EIF2AK2: variants seen among roughly 807,000 people sequenced by gnomAD.
The protein encoded by EIF2AK2 is eukaryotic translation initiation factor 2 alpha kinase 2, also known as interferon-induced, double-stranded RNA-activated protein kinase.
A neutral mutation model predicts 70.5 loss-of-function variants in EIF2AK2; 40 were observed. The observed-to-expected ratio is 0.57, with a 90% CI of 0.44 to 0.74. The LOEUF (loss-of-function observed/expected upper bound fraction) is 0.74. EIF2AK2 is among the 30% of genes least tolerant of loss of function. The pLI, the probability that EIF2AK2 is intolerant of heterozygous loss-of-function variation, is 0.00. For missense variants in EIF2AK2, 555 were observed against 644.3 expected (o/e 0.86, Z 1.50); for synonymous variants, 198 against 220.9 (o/e 0.90, Z 0.92).
chr2:37,136,129 T>C (rs1675118994), intron 9 of EIF2AK2, among the ~76,000 whole-genome samples: 1 of 152,218 alleles, frequency 6.6e-6, no homozygotes, highest in South Asian at 2.1e-4. Context: ...TATTCCTTAC[T>C]GATGATAAGC....
intron 4 of EIF2AK2, among the ~76,000 whole-genome samples, chr2:37,145,132 G>A (rs904966054): frequency 6.8e-6 from 1 of 147,212 alleles, no homozygotes; most frequent in Non-Finnish European, 1.5e-5. Flanking sequence ...TTTGTTTGTG[G>A]TTTTGTGGGT....
At chr2:37,116,867 T>C (rs542105833) in intron 13 of EIF2AK2, among the ~76,000 whole-genome samples, 1 of 152,294 alleles carries the variant, frequency 6.6e-6, no homozygotes, top group Admixed American at 6.5e-5. Flanking sequence ...ATATCTAAGC[T>C]GGATGAGGCT....
chr2:37,117,709 T>G (rs1243002799), intron 13 of EIF2AK2, among the ~76,000 whole-genome samples: 1 of 152,206 alleles, frequency 6.6e-6, no homozygotes, highest in Non-Finnish European at 1.5e-5. Context: ...TTTAGGAGAC[T>G]GAACATTTTA....
At chr2:37,111,032 A>C (rs1480303373) in intron 14 of EIF2AK2, among the ~76,000 whole-genome samples, 1 of 152,244 alleles carries the variant, frequency 6.6e-6, no homozygotes, top group African/African-American at 2.4e-5. Flanking sequence ...TATTATGCTG[A>C]GTAAAATAAG....
intron 13 of EIF2AK2, among the ~76,000 whole-genome samples, 186 bp from the exon 14 acceptor site, chr2:37,115,045 CTTT>C (rs1183840580): frequency 1.4e-5 from 2 of 138,068 alleles, no homozygotes; most frequent in Non-Finnish European, 1.6e-5. Flanking sequence ...GTCAGGATTT[CTTT>C]TTTTTTTTTT....
At chr2:37,154,853 C>T (rs1477466274) in intron 1 of EIF2AK2, among the ~76,000 whole-genome samples, 1 of 152,182 alleles carries the variant, frequency 6.6e-6, no homozygotes, top group Non-Finnish European at 1.5e-5. Context: ...TGAGCCATGG[C>T]ACCTGGGCCT....
intron 1 of EIF2AK2, among the ~76,000 whole-genome samples, chr2:37,153,937 G>A (rs113207040): frequency 7.9e-5 from 12 of 152,284 alleles, no homozygotes; most frequent in African/African-American, 2.9e-4. Flanking sequence ...ATTTCCACCA[G>A]CAATGCACGA....
intron 1 of EIF2AK2, among the ~76,000 whole-genome samples, chr2:37,156,399 G>A (rs184662377): frequency 6.6e-6 from 1 of 152,174 alleles, no homozygotes; most frequent in Non-Finnish European, 1.5e-5. Flanking sequence ...GAAGAGGTAG[G>A]GGGTGGAGGT....
intron 12 of EIF2AK2, among the ~76,000 whole-genome samples, chr2:37,122,216 C>T (rs190589490): frequency 3.2e-4 from 48 of 152,284 alleles, no homozygotes; most frequent in African/African-American, 1.1e-3. Context: ...GAAGCCGGCA[C>T]GTGAACAAGG....
chr2:37,138,468 TA>T, intron 7 of EIF2AK2, 40 bp downstream of exon 7: 1 of 1,607,386 alleles, frequency 6.2e-7, no homozygotes, highest in South Asian at 1.1e-5. Flanking sequence ...CAGACAGAAA[TA>T]TGAATATGTT....
rs919594940 is a variant in EIF2AK2, at chr2:37,149,217, C to T, written c.-183-194G>A. On this transcript the variant is annotated intron_variant, in intron 1 of 16. Transcript: ENST00000233057. ...GCCTGTGGTTCTACCAAGTGTGGAGCTGAATGCCACTGTGACCGCAAGTCA... is the reference window on the plus strand; with the variant it reads ...GCCTGTGGTTCTACCAAGTGTGGAGTTGAATGCCACTGTGACCGCAAGTCA... The T allele has an allele frequency of 1.2e-5, 13 of 1,098,598 alleles. No homozygotes were observed. In the African/African-American group the frequency reaches 1.4e-4, roughly 12 times the overall value. 68.1% of individuals were successfully genotyped at this position (1,098,598 alleles called of 1,614,324 possible).
At chr2:37,139,201 G>A (rs183912586) in intron 6 of EIF2AK2, among the ~76,000 whole-genome samples, 2 of 151,722 alleles carry the variant, frequency 1.3e-5, no homozygotes, top group Admixed American at 6.6e-5. Context: ...TGTAGTCCCA[G>A]CTACTCAGTA....
chr2:37,118,290 G>A lies in EIF2AK2; in HGVS notation c.1248+1669C>T, dbSNP rs1023234674. On this transcript the variant is annotated intron_variant, in intron 13 of 16. Transcript: ENST00000233057. The stretch of plus-strand genomic sequence containing the variant: ...GATTGTGCCACTGCACTCCAGCCTG[G>A]GCAAAAGAGCAAGACCTTGTCTCAA... Among the ~76,000 whole-genome samples the A allele has an allele frequency of 3.3e-5, 5 of 151,980 alleles. No homozygotes were observed. In the East Asian group the frequency reaches 5.8e-4, roughly 18 times the overall value.
At chr2:37,142,055 A>G (rs1306993543) in intron 4 of EIF2AK2, among the ~76,000 whole-genome samples, 5 of 152,248 alleles carry the variant, frequency 3.3e-5, no homozygotes, top group African/African-American at 7.2e-5. Flanking sequence ...AAAGATGAAT[A>G]TAATAGCATC....
intron 10 of EIF2AK2, among the ~76,000 whole-genome samples, chr2:37,134,285 C>T (rs1434448073): frequency 6.6e-6 from 1 of 152,148 alleles, no homozygotes; most frequent in African/African-American, 2.4e-5. Context: ...CATTGAAGGG[C>T]CCATAATTAA....
intron 1 of EIF2AK2, among the ~76,000 whole-genome samples, chr2:37,152,009 T>G (rs1327221120): frequency 6.6e-6 from 1 of 152,192 alleles, no homozygotes; most frequent in Non-Finnish European, 1.5e-5. Flanking sequence ...GAGCTTGCAG[T>G]GAGCTGAGAT....
chr2:37,104,140 AAAAC>A lies in EIF2AK2; in HGVS notation c.*3129_*3132del, dbSNP rs976408140. 1.6e-4 allele frequency: 25 copies of A among 152,180 alleles called. No individual in the cohort carries two copies. Among genetic ancestry groups the A allele is most frequent in the Non-Finnish European group, 1.8e-4 (12 of 68,110 alleles). 9.4% of individuals were successfully genotyped at this position (152,180 alleles called of 1,614,324 possible). Reference sequence around the variant, plus strand: ...GGGCGACACAGTGAGACTCTGTCTCAAAACAAACAAACAAACAAAAACAAAATAA... The same window carrying A: ...GGGCGACACAGTGAGACTCTGTCTCAAAACAAACAAACAAAAACAAAATAA... On this transcript the variant is annotated 3_prime_UTR_variant, in exon 17 of 17. Transcript: ENST00000233057.
In EIF2AK2 at chr2:37,147,626, C is replaced by T. The variant is rs2307477; in HGVS notation, c.119+62G>A. ...ATGGTTTCCAGCTTCATCCATGTCC[C>T]TACAAAGGACATGAACTCATCATTT... On this transcript the variant is annotated intron_variant, in intron 3 of 16. Coordinates refer to ENST00000233057, the MANE Select transcript of EIF2AK2 (RefSeq NM_001135651.3). 2,853 of 1,126,400 alleles carry T rather than the reference C, an allele frequency of 2.5e-3. 38 individuals carry two copies. The African/African-American group carries it at 0.036, about 14-fold the overall frequency. 69.8% of individuals were successfully genotyped at this position (1,126,400 alleles called of 1,614,324 possible).
chr2:37,155,824 C>G lies in EIF2AK2; in HGVS notation c.-184+1084G>C, dbSNP rs184046002. 3.8e-3 allele frequency among the ~76,000 whole-genome samples: 576 copies of G among 151,784 alleles called. 5 individuals carry two copies. Among genetic ancestry groups the G allele is most frequent in the African/African-American group, 0.013 (546 of 41,414 alleles). ...GCTGTGCTGGCGGGCACCTGTAGTC[C>G]CAGCTACCTGGGAGGCTGAGGAAGG... is the stretch of plus-strand genomic sequence containing the variant. On this transcript the variant is annotated intron_variant, in intron 1 of 16. Transcript: ENST00000233057.
Sources: allele counts gnomAD v4.1 joint callset (sites outside exome capture counted in the v4.1 genomes callset), GRCh38; gene constraint gnomAD v4.1.1; transcripts MANE v1.5; gene names NCBI Gene and HGNC (gene_info 2026-07-23, HGNC 2026-07-21).